MYO5A: variants seen among roughly 807,000 people sequenced by gnomAD.
MYO5A encodes the protein unconventional myosin-Va.
Under a neutral mutation model 249.7 loss-of-function variants are expected in MYO5A, and 98 were observed. That is an observed-to-expected ratio of 0.39 (90% CI 0.33 to 0.46). The LOEUF is 0.46. Ranked by LOEUF, MYO5A falls within the 20% of genes least tolerant of loss-of-function variation. The pLI is 0.98. For missense variants in MYO5A, 1,696 were observed against 2,308.8 expected (o/e 0.73, Z 5.44); for synonymous variants, 778 against 810.6 (o/e 0.96, Z 0.68).
chr15:52,325,042 T>C (rs901993134), intron 36 of MYO5A, among the ~76,000 whole-genome samples: 2 of 152,196 alleles, frequency 1.3e-5, no homozygotes, highest in Non-Finnish European at 2.9e-5. Context: ...CAGAAAATCA[T>C]CCTATAGCTT....
intron 22 of MYO5A, among the ~76,000 whole-genome samples, chr15:52,368,304 T>TA (rs538127787): frequency 3.9e-4 from 59 of 152,138 alleles, no homozygotes; most frequent in African/African-American, 1.3e-3. Flanking sequence ...CCACTCTCAG[T>TA]AAAAAAAGCC....
chr15:52,336,433 G>A (rs1241330358), intron 34 of MYO5A, 30 bp downstream of exon 34: 2 of 1,425,506 alleles, frequency 1.4e-6, no homozygotes, highest in African/African-American at 2.8e-5. Context: ...CCAAGACTCA[G>A]TGACCGTCTT....
At chr15:52,362,153 C>G (rs994939823) in intron 24 of MYO5A, among the ~76,000 whole-genome samples, 3 of 152,178 alleles carry the variant, frequency 2.0e-5, no homozygotes, top group Non-Finnish European at 2.9e-5. Context: ...GCCAACAACT[C>G]TAGAGGCTGG....
At chr15:52,375,812 A>G (rs1476065657) in intron 19 of MYO5A, among the ~76,000 whole-genome samples, 2 of 152,244 alleles carry the variant, frequency 1.3e-5, no homozygotes, top group African/African-American at 4.8e-5. Context: ...ACAGACAGAC[A>G]TACACAGTAA....
At chr15:52,348,657 T>C (rs759669663) in intron 29 of MYO5A, among the ~76,000 whole-genome samples, 161 bp downstream of exon 29, 6 of 152,156 alleles carry the variant, frequency 3.9e-5, no homozygotes, top group Non-Finnish European at 7.4e-5. Flanking sequence ...CCTACTGACT[T>C]CCCAAATCAG....
At position 52,468,153 on chromosome 15, in the gene MYO5A, C is replaced by A. The variant is rs192955642; in HGVS notation, c.28-34868G>T. 1.4e-3 allele frequency among the ~76,000 whole-genome samples: 216 copies of A among 152,082 alleles called. 3 individuals are homozygous for A. Among genetic ancestry groups the A allele is most frequent in the Admixed American group, 0.011 (168 of 15,272 alleles). On this transcript the variant is annotated intron_variant, in intron 1 of 41. Coordinates refer to ENST00000399233, the MANE Select transcript of MYO5A (RefSeq NM_001382347.1). ...TTGCTTGAGCCTAGGAGTTGGAGAC[C>A]AGCCTGGGCAATACAGTGAGACCTC...
In MYO5A at chr15:52,490,581, T is replaced by C. The variant is rs186474848; in HGVS notation, c.27+38199A>G. Among the ~76,000 whole-genome samples, 79 of 152,290 alleles carry C rather than the reference T, an allele frequency of 5.2e-4. 1 individual carries two copies. Among genetic ancestry groups the C allele is most frequent in the Admixed American group, 4.6e-3 (70 of 15,294 alleles). Reference sequence around the variant, plus strand: ...ATATAGGGTACCTAGAGTAGTCAGATTCATAGGGAGAGAAAGTAGAATAAT... The same window carrying C: ...ATATAGGGTACCTAGAGTAGTCAGACTCATAGGGAGAGAAAGTAGAATAAT... On this transcript the variant is annotated intron_variant, in intron 1 of 41. Coordinates refer to ENST00000399233, the MANE Select transcript of MYO5A (RefSeq NM_001382347.1).
chr15:52,442,993 C>T (rs1255019284), intron 1 of MYO5A, among the ~76,000 whole-genome samples: 2 of 152,140 alleles, frequency 1.3e-5, no homozygotes, highest in Admixed American at 6.5e-5. Context: ...CCTTGTGATC[C>T]GCCTGCCTTG....
At chr15:52,325,799 A>C (rs1211339420) in intron 36 of MYO5A, among the ~76,000 whole-genome samples, 2 of 152,216 alleles carry the variant, frequency 1.3e-5, no homozygotes, top group Non-Finnish European at 2.9e-5. Context: ...TCAAAATAAA[A>C]GAACATTTGC....
At chr15:52,492,841 G>A (rs974792248) in intron 1 of MYO5A, among the ~76,000 whole-genome samples, 3 of 152,170 alleles carry the variant, frequency 2.0e-5, no homozygotes, top group African/African-American at 4.8e-5. Context: ...GTTGGGGCCC[G>A]GGCACATGGG....
chr15:52,389,164 A>G (rs74929273), intron 13 of MYO5A, 74 bp downstream of exon 13: 1 of 1,482,512 alleles, frequency 6.7e-7, no homozygotes, highest in Non-Finnish European at 9.2e-7. Context: ...AGAAAAAAAA[A>G]GATACCTCCT....
intron 38 of MYO5A, 73 bp from the exon 39 acceptor site, chr15:52,319,415 C>T: frequency 6.8e-7 from 1 of 1,477,832 alleles, no homozygotes; most frequent in South Asian, 1.1e-5. Flanking sequence ...TCCATGTGCA[C>T]AAACACATGC....
At chr15:52,462,441 A>C (rs2076271762) in intron 1 of MYO5A, among the ~76,000 whole-genome samples, 2 of 152,270 alleles carry the variant, frequency 1.3e-5, no homozygotes, top group South Asian at 4.2e-4. Flanking sequence ...GAAATCCTCA[A>C]GGAAGAAAAG....
intron 1 of MYO5A, among the ~76,000 whole-genome samples, chr15:52,514,548 T>C (rs1199242501): frequency 6.6e-6 from 1 of 152,132 alleles, no homozygotes; most frequent in Non-Finnish European, 1.5e-5. Context: ...GTTGGCAAGC[T>C]CCTCACTTAA....
At chr15:52,390,969 A>G (rs867596992) in intron 12 of MYO5A, among the ~76,000 whole-genome samples, 1 of 152,076 alleles carries the variant, frequency 6.6e-6, no homozygotes, top group African/African-American at 2.4e-5. Context: ...TATGGCTACT[A>G]GGTTGTTACT....
intron 11 of MYO5A, among the ~76,000 whole-genome samples, chr15:52,395,007 G>C (rs1231167069): frequency 6.6e-6 from 1 of 152,150 alleles, no homozygotes; most frequent in Non-Finnish European, 1.5e-5. Context: ...AATAAAGATG[G>C]TTCAAGTTTT....
intron 36 of MYO5A, among the ~76,000 whole-genome samples, chr15:52,326,517 G>A (rs1013101570): frequency 5.9e-5 from 9 of 152,142 alleles, no homozygotes; most frequent in Non-Finnish European, 1.0e-4. Flanking sequence ...CAGAGAACCA[G>A]CATTTATCAA....
At chr15:52,383,327 G>C in intron 15 of MYO5A, 139 bp from the exon 16 acceptor site, 1 of 731,120 alleles carries the variant, frequency 1.4e-6, no homozygotes, top group Non-Finnish European at 2.4e-6. Context: ...TTCAGAAGAG[G>C]AGCTGCCACA....
chr15:52,388,644 T>G (rs1429516819), intron 13 of MYO5A, among the ~76,000 whole-genome samples: 1 of 152,184 alleles, frequency 6.6e-6, no homozygotes, highest in African/African-American at 2.4e-5. Context: ...TCATTGCTTG[T>G]GATTTTCTAA....
Sources: allele counts gnomAD v4.1 joint callset (sites outside exome capture counted in the v4.1 genomes callset), GRCh38; gene constraint gnomAD v4.1.1; transcripts MANE v1.5; gene names NCBI Gene and HGNC (gene_info 2026-07-23, HGNC 2026-07-21).